Variants in AIG1 observed in about 807,000 individuals in gnomAD.
The protein encoded by AIG1 is androgen induced 1.
A neutral mutation model predicts 31.4 loss-of-function variants in AIG1; 23 were observed. The observed-to-expected ratio is 0.73, with a 90% CI of 0.53 to 1.04. AIG1 has a LOEUF of 1.04. Among genes scored for constraint, AIG1 ranks in the 50% least tolerant of loss-of-function variants. AIG1 has a pLI of 0.00. For synonymous variants in AIG1, 100 were observed against 110.5 expected (o/e 0.90, Z 0.60); for missense variants, 274 against 295.0 (o/e 0.93, Z 0.52).
Position 143,298,437 on chromosome 6 carries a change from A to G in AIG1, c.515+14212A>G, listed in dbSNP as rs761555264. Among the ~76,000 whole-genome samples, 1 of 152,262 alleles carries G rather than the reference A, an allele frequency of 6.6e-6. No homozygotes were observed. The highest frequency in any genetic ancestry group is 1.5e-5 in the Non-Finnish European group (1 of 68,040). ...TATTATAAAGAAATAGTTAATATGAATACAAGGTGAAACAGTGCTATTTGC... is the reference window on the plus strand; with the variant it reads ...TATTATAAAGAAATAGTTAATATGAGTACAAGGTGAAACAGTGCTATTTGC... On this transcript the variant is annotated intron_variant, in intron 4 of 5. Transcript: ENST00000357847. The surrounding 1 kb of genome is among the most constrained non-coding windows in gnomAD (Gnocchi z 5.1).
rs1412025940 is a variant in AIG1, at chr6:143,325,337, TCA to T, written c.516-7944_516-7943del. Reference sequence around the variant, plus strand: ...TCAGACCCTGTACTCTTCCTGGGTCTCAGTCTGTCCTGATAGTTTCAACCACA... The same window carrying T: ...TCAGACCCTGTACTCTTCCTGGGTCTGTCTGTCCTGATAGTTTCAACCACA... On this transcript the variant is annotated intron_variant, in intron 4 of 5. Coordinates refer to ENST00000357847, the MANE Select transcript of AIG1 (RefSeq NM_016108.4). The surrounding 1 kb of genome is among the most constrained non-coding windows in gnomAD (Gnocchi z 4.3). Among the ~76,000 whole-genome samples the T allele has an allele frequency of 1.3e-5, 2 of 152,224 alleles. No individual in the cohort carries two copies. The highest frequency in any genetic ancestry group is 4.8e-5 in the African/African-American group (2 of 41,448).
At chr6:143,236,542 C>T (rs1329926641) in intron 3 of AIG1, among the ~76,000 whole-genome samples, 2 of 152,208 alleles carry the variant, frequency 1.3e-5, no homozygotes, top group Non-Finnish European at 2.9e-5. Flanking sequence ...GAGAGCTTCA[C>T]ACCAAGTTCC....
At chr6:143,074,699 A>G (rs1777581988) in intron 1 of AIG1, among the ~76,000 whole-genome samples, 1 of 152,200 alleles carries the variant, frequency 6.6e-6, no homozygotes, top group South Asian at 2.1e-4. Flanking sequence ...CCAAGCTTGC[A>G]TTTGTGGGGT....
intron 2 of AIG1, among the ~76,000 whole-genome samples, chr6:143,147,055 C>T (rs1784775980): frequency 2.0e-5 from 3 of 152,136 alleles, no homozygotes; most frequent in Admixed American, 2.0e-4. Flanking sequence ...CCCTGAAGAG[C>T]ACATTTTCCA....
At chr6:143,078,002 C>T (rs1777888109) in intron 1 of AIG1, among the ~76,000 whole-genome samples, 1 of 152,154 alleles carries the variant, frequency 6.6e-6, no homozygotes, top group Non-Finnish European at 1.5e-5. Flanking sequence ...ATATGCATGT[C>T]AGATCTTTTT....
At chr6:143,082,793 A>T (rs951469567) in intron 1 of AIG1, among the ~76,000 whole-genome samples, 2 of 152,146 alleles carry the variant, frequency 1.3e-5, no homozygotes, top group Non-Finnish European at 2.9e-5. Flanking sequence ...AAGGACTCTT[A>T]GAGCTGTTCA....
At chr6:143,316,425 A>G (rs553483341) in intron 4 of AIG1, among the ~76,000 whole-genome samples, 2 of 152,088 alleles carry the variant, frequency 1.3e-5, no homozygotes, top group African/African-American at 4.8e-5. Flanking sequence ...TAGGACACCA[A>G]TCCCTTCTAG....
chr6:143,154,446 G>T (rs1583346424), intron 2 of AIG1, among the ~76,000 whole-genome samples: 1 of 152,270 alleles, frequency 6.6e-6, no homozygotes, highest in East Asian at 1.9e-4. Flanking sequence ...AGGTTGTGGG[G>T]AGGGTGTGAC....
chr6:143,139,505 T>G (rs1229260625), intron 2 of AIG1, among the ~76,000 whole-genome samples: 1 of 151,766 alleles, frequency 6.6e-6, no homozygotes, highest in Non-Finnish European at 1.5e-5. Context: ...TGTAACTCAC[T>G]GATGTTTTTA....
intron 4 of AIG1, among the ~76,000 whole-genome samples, chr6:143,290,026 T>C (rs1305333614): frequency 6.6e-6 from 1 of 152,202 alleles, no homozygotes; most frequent in Non-Finnish European, 1.5e-5. Flanking sequence ...TTTACATCTG[T>C]AATGGTTTGT....
At chr6:143,303,996 T>C (rs1799045921) in intron 4 of AIG1, among the ~76,000 whole-genome samples, 1 of 146,684 alleles carries the variant, frequency 6.8e-6, no homozygotes. Context: ...CAATTGTGAA[T>C]GGGAGTTCAC....
rs1038155426 is a variant in AIG1 at position 143,331,704 on chromosome 6, G to A, written c.516-1578G>A. On this transcript the variant is annotated intron_variant, in intron 4 of 5. Transcript: ENST00000357847. This position sits in a 1 kb window ranked among gnomAD's most constrained non-coding sequence, Gnocchi z 4.1. ...TGTATCTGTGCTTTCTACATAAAAA[G>A]TGCAAAATTGTTTTACCACCAACCC... is the stretch of plus-strand genomic sequence containing the variant. Among the ~76,000 whole-genome samples the A allele has an allele frequency of 1.3e-5, 2 of 151,756 alleles. No individual in the cohort carries two copies. The highest frequency in any genetic ancestry group is 4.8e-5 in the African/African-American group (2 of 41,300).
chr6:143,126,064 G>T (rs1782661437), intron 1 of AIG1, among the ~76,000 whole-genome samples: 1 of 152,118 alleles, frequency 6.6e-6, no homozygotes, highest in East Asian at 1.9e-4. Flanking sequence ...AAAAAGCTTG[G>T]GCTTAAAGCA....
chr6:143,225,524 C>T (rs1044495635), intron 3 of AIG1, among the ~76,000 whole-genome samples: 5 of 152,164 alleles, frequency 3.3e-5, no homozygotes. Context: ...ATTTATTTTG[C>T]TTCGTTTAAG....
In AIG1 at chr6:143,328,985, G is replaced by A. The variant is rs1459460643; in HGVS notation, c.516-4297G>A. 6.6e-6 allele frequency among the ~76,000 whole-genome samples: 1 copy of A among 152,178 alleles called. No individual in the cohort carries two copies. Among genetic ancestry groups the A allele is most frequent in the Non-Finnish European group, 1.5e-5 (1 of 68,040 alleles). On this transcript the variant is annotated intron_variant, in intron 4 of 5. Transcript: ENST00000357847. This position sits in a 1 kb window ranked among gnomAD's most constrained non-coding sequence, Gnocchi z 4.0. ...AGAACTAAGCACTCTCCAGATAGAT[G>A]GGCAAGGCCATGAGTCATCTTTGTG...
chr6:143,188,301 A>G (rs1408365037), intron 3 of AIG1: 3 of 986,038 alleles, frequency 3.0e-6, no homozygotes, highest in Non-Finnish European at 3.6e-6. Context: ...ATTGATGTTG[A>G]CACCAGTTGT....
At chr6:143,118,539 A>G (rs996681960) in intron 1 of AIG1, among the ~76,000 whole-genome samples, 1 of 152,150 alleles carries the variant, frequency 6.6e-6, no homozygotes, top group Non-Finnish European at 1.5e-5. Flanking sequence ...AAAAATACCG[A>G]AAGATTGGAC....
At chr6:143,205,308 CAG>C (rs1791027666) in intron 3 of AIG1, among the ~76,000 whole-genome samples, 2 of 152,296 alleles carry the variant, frequency 1.3e-5, no homozygotes, top group South Asian at 4.1e-4. Flanking sequence ...GGAGGAAAAA[CAG>C]AGCTGTATGA....
At chr6:143,190,677 C>A (rs1037886125) in intron 3 of AIG1, 5 of 890,464 alleles carry the variant, frequency 5.6e-6, no homozygotes, top group Middle Eastern at 5.8e-4. Context: ...ACTTTCTCAA[C>A]CTGTATTCTA....
Sources: allele counts gnomAD v4.1 joint callset (sites outside exome capture counted in the v4.1 genomes callset), GRCh38; gene constraint gnomAD v4.1.1; non-coding constraint Gnocchi (gnomAD v3.1); transcripts MANE v1.5; gene names NCBI Gene and HGNC (gene_info 2026-07-23, HGNC 2026-07-21).